NEGR1: variants seen among roughly 807,000 people sequenced by gnomAD.
The protein encoded by NEGR1 is IgLON family member 4.
Under a neutral mutation model 40.9 loss-of-function variants are expected in NEGR1, and 10 were observed. The ratio of observed to expected loss-of-function variants is 0.24; its 90% CI spans 0.15 to 0.42. NEGR1 has a LOEUF of 0.42. NEGR1 is among the 10% of genes least tolerant of loss of function. The probability of loss-of-function intolerance (pLI) is 1.00; values close to 1 mark genes in which losing one functional copy is unlikely to be tolerated. For missense variants in NEGR1, 352 were observed against 438.9 expected (o/e 0.80, Z 1.77); for synonymous variants, 185 against 166.8 (o/e 1.11, Z -0.84).
chr1:71,917,215 T>C (rs1661609460), intron 2 of NEGR1, among the ~76,000 whole-genome samples: 1 of 152,222 alleles, frequency 6.6e-6, no homozygotes, highest in Admixed American at 6.5e-5. Flanking sequence ...TGGAAAACTA[T>C]GAATCATACC....
At chr1:72,012,578 A>G (rs1027985663) in intron 1 of NEGR1, among the ~76,000 whole-genome samples, 1 of 152,054 alleles carries the variant, frequency 6.6e-6, no homozygotes, top group African/African-American at 2.4e-5. Flanking sequence ...ATGAGAACAG[A>G]AAAAGTTTGA....
At chr1:71,838,660 T>C (rs1659126722) in intron 2 of NEGR1, among the ~76,000 whole-genome samples, 1 of 152,162 alleles carries the variant, frequency 6.6e-6, no homozygotes, top group Non-Finnish European at 1.5e-5. Context: ...TCTTGAACTC[T>C]ACTCTGTTAA....
At chr1:72,250,798 CAAG>C (rs1445574165) in intron 1 of NEGR1, among the ~76,000 whole-genome samples, 1 of 152,000 alleles carries the variant, frequency 6.6e-6, no homozygotes, top group Non-Finnish European at 1.5e-5. Context: ...ATATGGAAAC[CAAG>C]AAGAATGTGA....
At chr1:72,096,598 T>C (rs954186664) in intron 1 of NEGR1, among the ~76,000 whole-genome samples, 5 of 152,118 alleles carry the variant, frequency 3.3e-5, no homozygotes, top group African/African-American at 1.2e-4. Context: ...AAAAAATAAC[T>C]CATTCATATA....
intron 1 of NEGR1, among the ~76,000 whole-genome samples, chr1:72,215,920 T>A (rs931291969): frequency 6.6e-6 from 1 of 152,054 alleles, no homozygotes; most frequent in Non-Finnish European, 1.5e-5. Context: ...GTATGTTTAT[T>A]GCAGCACTGT....
chr1:71,468,143 T>A (rs978822558), intron 6 of NEGR1: 6 of 152,010 alleles, frequency 3.9e-5, no homozygotes, highest in African/African-American at 9.7e-5. Context: ...AAATTTAATG[T>A]CTTTGGGGAA....
intron 1 of NEGR1, among the ~76,000 whole-genome samples, chr1:72,236,251 G>A (rs12096618): frequency 2.3e-4 from 35 of 152,088 alleles, no homozygotes; most frequent in African/African-American, 8.2e-4. Flanking sequence ...ATGGACACAG[G>A]GAGGGGAACA....
chr1:71,620,427 TA>T (rs1443663957), intron 4 of NEGR1, among the ~76,000 whole-genome samples: 2 of 152,002 alleles, frequency 1.3e-5, no homozygotes, highest in African/African-American at 4.8e-5. Context: ...ATACAAAATA[TA>T]AGATGTGTTC....
chr1:71,786,705 A>T (rs1328310872), intron 2 of NEGR1, among the ~76,000 whole-genome samples: 6 of 152,152 alleles, frequency 3.9e-5, no homozygotes. Context: ...GGTTCTATCA[A>T]CATGGCCACA....
chr1:71,956,073 G>A (rs1405645549), intron 1 of NEGR1, among the ~76,000 whole-genome samples: 1 of 152,034 alleles, frequency 6.6e-6, no homozygotes, highest in Non-Finnish European at 1.5e-5. Context: ...TTTTTAAAAG[G>A]CAAGGCTAAC....
intron 4 of NEGR1, among the ~76,000 whole-genome samples, chr1:71,673,445 T>TACACAGGA (rs55684873): frequency 0.98 from 149,581 of 152,112 alleles, 73,586 homozygotes; most frequent in Middle Eastern, 1. Flanking sequence ...TAAATTTTAA[T>TACACAGGA]ACAACTTGGT....
intron 1 of NEGR1, among the ~76,000 whole-genome samples, chr1:72,207,846 TACTC>T (rs1199263921): frequency 2.6e-5 from 4 of 151,818 alleles, no homozygotes; most frequent in African/African-American, 7.2e-5. Context: ...AATTTACACA[TACTC>T]ACATTTTAGA....
At chr1:71,761,952 T>G (rs1470038100) in intron 3 of NEGR1, among the ~76,000 whole-genome samples, 2 of 152,074 alleles carry the variant, frequency 1.3e-5, no homozygotes, top group African/African-American at 4.8e-5. Context: ...TGCTTGACAG[T>G]TAAAAACTAT....
At chr1:71,896,256 T>G (rs1055468956) in intron 2 of NEGR1, among the ~76,000 whole-genome samples, 1 of 152,160 alleles carries the variant, frequency 6.6e-6, no homozygotes, top group Admixed American at 6.5e-5. Context: ...CAAGCTGGTC[T>G]TGAACTCCTG....
chr1:72,247,697 T>G (rs770905483), intron 1 of NEGR1, among the ~76,000 whole-genome samples: 1 of 152,342 alleles, frequency 6.6e-6, no homozygotes, highest in East Asian at 1.9e-4. Flanking sequence ...TCTTCCTGTC[T>G]TCTTCTGAGC....
At chr1:71,972,287 A>G (rs1020073121) in intron 1 of NEGR1, among the ~76,000 whole-genome samples, 2 of 152,208 alleles carry the variant, frequency 1.3e-5, no homozygotes, top group Non-Finnish European at 2.9e-5. Flanking sequence ...TAGGACACCT[A>G]TATCCAAAAG....
At chr1:72,167,758 G>A (rs1432263164) in intron 1 of NEGR1, among the ~76,000 whole-genome samples, 1 of 151,824 alleles carries the variant, frequency 6.6e-6, no homozygotes, top group Non-Finnish European at 1.5e-5. Flanking sequence ...AATTTAGACA[G>A]GCCCTGAGAG....
chr1:72,097,366 G>A (rs1332394436), intron 1 of NEGR1, among the ~76,000 whole-genome samples: 1 of 152,088 alleles, frequency 6.6e-6, no homozygotes, highest in East Asian at 1.9e-4. Context: ...AACTATTGTT[G>A]TCAATCTATC....
chr1:71,536,525 C>T (rs1048446751), intron 6 of NEGR1, among the ~76,000 whole-genome samples: 1 of 151,708 alleles, frequency 6.6e-6, no homozygotes, highest in African/African-American at 2.4e-5. Flanking sequence ...ATGCTTCTTG[C>T]ATAGCCTGCA....
Sources: allele counts gnomAD v4.1 joint callset (sites outside exome capture counted in the v4.1 genomes callset), GRCh38; gene constraint gnomAD v4.1.1; transcripts MANE v1.5; gene names NCBI Gene and HGNC (gene_info 2026-07-23, HGNC 2026-07-21).